ZNF385D: variants seen among roughly 807,000 people sequenced by gnomAD.
ZNF385D encodes the protein zinc finger protein 659.
Under a neutral mutation model 35.8 loss-of-function variants are expected in ZNF385D, and 15 were observed. That is an observed-to-expected ratio of 0.42 (90% confidence interval 0.28 to 0.64). The LOEUF (loss-of-function observed/expected upper bound fraction) is 0.64, where lower values mean the gene tolerates loss of function less well. ZNF385D is among the 30% of genes least tolerant of loss of function. The probability of loss-of-function intolerance (pLI) is 0.23; values close to 1 mark genes in which losing one functional copy is unlikely to be tolerated. For synonymous variants in ZNF385D, 212 were observed against 186.8 expected (o/e 1.13, Z -1.10); for missense variants, 474 against 494.6 (o/e 0.96, Z 0.39).
chr3:22,267,378 A>T (rs1249893451), intron 2 of ZNF385D, among the ~76,000 whole-genome samples: 1 of 151,880 alleles, frequency 6.6e-6, no homozygotes. Context: ...TTGTTTTACC[A>T]AAGAACACAA....
At chr3:21,839,843 G>T (rs1365529362) in intron 3 of ZNF385D, among the ~76,000 whole-genome samples, 2 of 151,942 alleles carry the variant, frequency 1.3e-5, no homozygotes, top group East Asian at 3.9e-4. Context: ...GGCCAGAACT[G>T]ATCTCCAGGT....
intron 3 of ZNF385D, among the ~76,000 whole-genome samples, chr3:21,835,409 T>A (rs1455672205): frequency 6.6e-6 from 1 of 151,984 alleles, no homozygotes; most frequent in East Asian, 1.9e-4. Context: ...AGAACATATG[T>A]TGCCTCCAAA....
intron 3 of ZNF385D, among the ~76,000 whole-genome samples, chr3:21,536,485 G>A (rs945902882): frequency 1.3e-5 from 2 of 151,990 alleles, no homozygotes; most frequent in Admixed American, 1.3e-4. Flanking sequence ...TTTGGGGAGG[G>A]CTGAAATATT....
At chr3:22,159,884 C>A (rs146396337) in intron 3 of ZNF385D, among the ~76,000 whole-genome samples, 60 of 152,160 alleles carry the variant, frequency 3.9e-4, no homozygotes, top group African/African-American at 1.4e-3. Context: ...ATGAGGAAAG[C>A]GCCACATTTC....
intron 3 of ZNF385D, among the ~76,000 whole-genome samples, chr3:21,810,708 A>G (rs1052252903): frequency 5.9e-5 from 9 of 152,078 alleles, no homozygotes; most frequent in African/African-American, 2.2e-4. Flanking sequence ...TTGGATCTGT[A>G]TAAACATTTT....
intron 3 of ZNF385D, chr3:21,979,520 T>C (rs562178690): frequency 6.6e-6 from 1 of 152,332 alleles, no homozygotes; most frequent in South Asian, 2.1e-4. Flanking sequence ...GCTAGTTTTT[T>C]ACAAAATATG....
At chr3:21,850,266 T>C (rs1489666176) in intron 3 of ZNF385D, among the ~76,000 whole-genome samples, 1 of 152,108 alleles carries the variant, frequency 6.6e-6, no homozygotes, top group African/African-American at 2.4e-5. Context: ...GATAATTCTT[T>C]AAACAATTAT....
At chr3:21,840,084 T>C (rs979507608) in intron 3 of ZNF385D, among the ~76,000 whole-genome samples, 1 of 152,148 alleles carries the variant, frequency 6.6e-6, no homozygotes, top group African/African-American at 2.4e-5. Context: ...CTTTTGATAA[T>C]AATTTGCTTT....
chr3:21,483,233 G>C (rs532640997), intron 4 of ZNF385D, among the ~76,000 whole-genome samples: 7 of 152,246 alleles, frequency 4.6e-5, no homozygotes, highest in Admixed American at 1.3e-4. Context: ...AAGTGGAATA[G>C]TAAAAGATGG....
intron 2 of ZNF385D, among the ~76,000 whole-genome samples, chr3:22,321,287 CT>C (rs929953493): frequency 6.7e-6 from 1 of 149,884 alleles, no homozygotes; most frequent in African/African-American, 2.5e-5. Flanking sequence ...TTTGTATAAC[CT>C]TTTTTAAAAC....
chr3:22,070,171 C>T (rs1337801990), intron 3 of ZNF385D, among the ~76,000 whole-genome samples: 1 of 152,126 alleles, frequency 6.6e-6, no homozygotes, highest in Non-Finnish European at 1.5e-5. Context: ...TTTCTAACAA[C>T]AAGCATTATC....
chr3:22,149,614 T>C (rs780451135), intron 3 of ZNF385D, among the ~76,000 whole-genome samples: 1 of 152,190 alleles, frequency 6.6e-6, no homozygotes, highest in Non-Finnish European at 1.5e-5. Context: ...GAAACACAAG[T>C]GTCTGTGAAT....
At chr3:21,602,576 A>G (rs2064341217) in intron 2 of ZNF385D, among the ~76,000 whole-genome samples, 1 of 118,662 alleles carries the variant, frequency 8.4e-6, no homozygotes, top group Non-Finnish European at 1.6e-5. Context: ...CCCAGGCCGG[A>G]CTGCGGACTG....
intron 2 of ZNF385D, among the ~76,000 whole-genome samples, chr3:22,225,010 CAAGA>C (rs111706144): frequency 0.014 from 2,136 of 152,228 alleles, 32 homozygotes; most frequent in East Asian, 0.055. Context: ...TGCTTATTCT[CAAGA>C]AAGAAATTCT....
intron 3 of ZNF385D, among the ~76,000 whole-genome samples, chr3:21,993,445 C>T (rs748678500): frequency 1.3e-5 from 2 of 152,090 alleles, no homozygotes; most frequent in Non-Finnish European, 2.9e-5. Context: ...AATGAATAAT[C>T]TTATGATTAT....
chr3:21,909,866 A>C (rs554402513), intron 3 of ZNF385D, among the ~76,000 whole-genome samples: 1 of 152,182 alleles, frequency 6.6e-6, no homozygotes, highest in East Asian at 1.9e-4. Flanking sequence ...CGAACATCAG[A>C]AAGTTTATAA....
At chr3:21,676,813 A>G (rs1196567462) in intron 1 of ZNF385D, among the ~76,000 whole-genome samples, 1 of 151,698 alleles carries the variant, frequency 6.6e-6, no homozygotes, top group Non-Finnish European at 1.5e-5. Flanking sequence ...TTATTGTATT[A>G]TACCTCTCTC....
chr3:21,633,818 C>A (rs144180466), intron 2 of ZNF385D, among the ~76,000 whole-genome samples: 35 of 152,030 alleles, frequency 2.3e-4, no homozygotes, highest in African/African-American at 8.4e-4. Context: ...TTATTTATAA[C>A]GTATTTATAA....
At chr3:22,084,000 A>C (rs1003209535) in intron 3 of ZNF385D, among the ~76,000 whole-genome samples, 2 of 152,220 alleles carry the variant, frequency 1.3e-5, no homozygotes, top group Non-Finnish European at 2.9e-5. Context: ...TACGTGAAGG[A>C]GAAATAAAAT....
Sources: gnomAD v4.1 joint callset for allele counts (sites outside exome capture counted in the v4.1 genomes callset) on GRCh38, gnomAD v4.1.1 for gene constraint, MANE v1.5 for transcripts, NCBI Gene and HGNC (gene_info 2026-07-23, HGNC 2026-07-21) for gene names.